The following CRACDL variants were observed in gnomAD, a reference collection of about 807,000 sequenced individuals.
The protein encoded by CRACDL is CRACD like, also known as CRACD-like protein.
A neutral mutation model predicts 70.6 loss-of-function variants in CRACDL; 26 were observed. The ratio of observed to expected loss-of-function variants is 0.37; its 90% confidence interval spans 0.27 to 0.51. The LOEUF is 0.51. CRACDL is among the 20% of genes least tolerant of loss of function. CRACDL has a pLI of 0.94. For missense variants in CRACDL, 1,283 were observed against 1,376.9 expected, an observed-to-expected ratio of 0.93 and a Z score of 1.08; for synonymous variants, 618 against 615.2, an observed-to-expected ratio of 1.00 and a Z score of -0.07.
At chr2:98,828,245 C>G (rs983624841) in intron 5 of CRACDL, among the ~76,000 whole-genome samples, 1 of 152,150 alleles carries the variant, frequency 6.6e-6, no homozygotes, top group African/African-American at 2.4e-5. Context: ...CACATGCAGC[C>G]CAGATGAGGG....
At chr2:98,798,467 AAAAAAAAG>A (rs1361437969) in intron 7 of CRACDL, among the ~76,000 whole-genome samples, 40 of 150,170 alleles carry the variant, frequency 2.7e-4, no homozygotes, top group South Asian at 4.2e-4. Flanking sequence ...AAAAAAAAAA[AAAAAAAAG>A]AGTGACACTC....
chr2:98,893,998 A>T (rs1022409868), intron 1 of CRACDL, among the ~76,000 whole-genome samples: 4 of 152,184 alleles, frequency 2.6e-5, no homozygotes, highest in African/African-American at 7.2e-5. Context: ...GGAGATTCCG[A>T]GGGGCAGCCA....
At position 98,822,489 on chromosome 2, in the gene CRACDL, C is replaced by A. The variant is rs764384247; in HGVS notation, c.1784G>T (p.Ser595Ile). The change falls in exon 7 of 10, where the codon AGC (serine) becomes ATC (isoleucine). Residue 595 changes from serine (S) to isoleucine (I), a missense_variant. This residue lies in a region of CRACDL where 921 missense variants were observed against 881.9 expected (regional missense o/e 1.04). Transcript: ENST00000397899. The surrounding 1 kb of genome is among the most constrained non-coding windows in gnomAD (Gnocchi z 4.9). ...GCTCCTCGCGAGGGGCAGGCGGCCGCTGGCCCGTTCCAGCGGGCGGGAGAC... is the reference window on the plus strand; with the variant it reads ...GCTCCTCGCGAGGGGCAGGCGGCCGATGGCCCGTTCCAGCGGGCGGGAGAC... ...PGVSRPLERA[S>I]GRLPLARSGP... 2.1e-6 allele frequency: 3 copies of A among 1,463,402 alleles called. No homozygotes were observed. The East Asian group carries it at 9.0e-5, about 44-fold the overall frequency. The allele number at this position is 1,463,402 out of a possible 1,614,324, so 90.7% of individuals were successfully genotyped here. A position where few individuals can be genotyped will look rare whatever the true frequency, so the allele number is the denominator to read the frequency against.
intron 1 of CRACDL, among the ~76,000 whole-genome samples, chr2:98,931,209 C>T (rs1321797042): frequency 2.0e-5 from 3 of 151,752 alleles, no homozygotes; most frequent in Non-Finnish European, 4.4e-5. Context: ...CCTGTAATCC[C>T]AGCTACTCAG....
At chr2:98,855,788 A>G (rs1336435116) in intron 1 of CRACDL, among the ~76,000 whole-genome samples, 1 of 152,244 alleles carries the variant, frequency 6.6e-6, no homozygotes, top group Non-Finnish European at 1.5e-5. Flanking sequence ...TAAAAGAGGT[A>G]GAAACTATAA....
chr2:98,925,226 G>C (rs187656868), intron 1 of CRACDL, among the ~76,000 whole-genome samples: 12 of 152,310 alleles, frequency 7.9e-5, no homozygotes, highest in African/African-American at 2.2e-4. Flanking sequence ...GGAATGAAGG[G>C]CCCCTCCCTT....
At chr2:98,819,074 A>G (rs554491911) in intron 7 of CRACDL, among the ~76,000 whole-genome samples, 1 of 152,336 alleles carries the variant, frequency 6.6e-6, no homozygotes, top group Non-Finnish European at 1.5e-5. Context: ...GATGGATGAG[A>G]CAATTCTCTT....
Position 98,822,531 on chromosome 2 carries a change from G to T in CRACDL, c.1742C>A (p.Ala581Glu). Residue 581 changes from alanine (A) to glutamate (E), a missense_variant, in exon 7 of 10, where the codon GCG (alanine) becomes GAG (glutamate). By Grantham distance (107) the Ala-to-Glu change is moderately radical. Around this residue, in one of 2 missense-constraint regions of CRACDL, gnomAD observed 921 missense variants for 881.9 expected, o/e 1.04. Transcript: ENST00000397899. The surrounding 1 kb of genome is among the most constrained non-coding windows in gnomAD (Gnocchi z 4.9). ...AKKFSVSSCR[A>E]RPRPGVSRPL... ...GCGGGAGACGCCCGGACGAGGCCGC[G>T]CTCGGCACGAGGACACCGAGAACTT... 2 of 1,459,634 alleles carry T rather than the reference G, an allele frequency of 1.4e-6. No homozygotes were observed. Among genetic ancestry groups the T allele is most frequent in the South Asian group, 1.3e-5 (1 of 76,396 alleles). The allele number at this position is 1,459,634 out of a possible 1,614,324, so 90.4% of individuals were successfully genotyped here.
intron 1 of CRACDL, among the ~76,000 whole-genome samples, chr2:98,890,135 G>T (rs1707923205): frequency 6.6e-6 from 1 of 151,952 alleles, no homozygotes; most frequent in South Asian, 2.1e-4. Flanking sequence ...AAGCAAACAG[G>T]AGAAAAACAA....
chr2:98,922,217 T>C (rs1424569329), intron 1 of CRACDL, among the ~76,000 whole-genome samples: 1 of 151,550 alleles, frequency 6.6e-6, no homozygotes, highest in Non-Finnish European at 1.5e-5. Context: ...AGGTGGATCA[T>C]GAGGTCAAGA....
chr2:98,828,468 G>A (rs187604762), intron 5 of CRACDL, among the ~76,000 whole-genome samples: 1 of 152,302 alleles, frequency 6.6e-6, no homozygotes, highest in Admixed American at 6.5e-5. Flanking sequence ...GTCCCCAGTG[G>A]CGAACTCCTA....
At position 98,802,806 on chromosome 2, in the gene CRACDL, G is replaced by A. The variant is rs150776961; in HGVS notation, c.2417-5269C>T. On this transcript the variant is annotated intron_variant, in intron 7 of 9. Transcript: ENST00000397899. ...CAAGCACAGTCTCCTGAGAGGCAAC[G>A]AGTTGTCGTACAATGTAAATTCCCA... Among the ~76,000 whole-genome samples, 639 of 152,312 alleles carry A rather than the reference G, an allele frequency of 4.2e-3. 5 individuals are homozygous for A. Among genetic ancestry groups the A allele is most frequent in the African/African-American group, 0.015 (606 of 41,580 alleles).
At chr2:98,913,483 G>C (rs965981095) in intron 1 of CRACDL, among the ~76,000 whole-genome samples, 5 of 152,160 alleles carry the variant, frequency 3.3e-5, no homozygotes, top group Non-Finnish European at 7.4e-5. Context: ...ACTGGAGCCT[G>C]TGGGGAGTGT....
At chr2:98,854,805 G>T (rs972489031) in intron 1 of CRACDL, among the ~76,000 whole-genome samples, 1 of 152,144 alleles carries the variant, frequency 6.6e-6, no homozygotes, top group East Asian at 1.9e-4. Flanking sequence ...ACATGTCAAG[G>T]ACAGGAGGAA....
At chr2:98,932,881 C>T (rs890305059) in intron 1 of CRACDL, among the ~76,000 whole-genome samples, 1 of 152,198 alleles carries the variant, frequency 6.6e-6, no homozygotes. Context: ...CCCTGCCCCA[C>T]AGGTAGAAAA....
Position 98,826,981 on chromosome 2 carries a change from G to A in CRACDL, c.729C>T (p.Leu243=), listed in dbSNP as rs751652197. The A allele has an allele frequency of 3.7e-6, 6 of 1,612,044 alleles. No homozygotes were observed. The South Asian group carries it at 6.6e-5, about 18-fold the overall frequency. The change falls in exon 6 of 10, where the codon CTC becomes CTT. Residue 243 remains leucine, a synonymous_variant. Coordinates refer to ENST00000397899, the MANE Select transcript of CRACDL (RefSeq NM_207362.3). ...GAGAAGGAAACCCAATTACCGATGA[G>A]AGCCGCCTCATCTTACTCGACCGCT... ...RNQRSSKMRR[L]SSRAQSESLS...
rs567315758 is a variant in CRACDL at position 98,840,560 on chromosome 2, G to C, written c.71-2273C>G. 1.6e-4 allele frequency: 25 copies of C among 151,942 alleles called. 1 individual carries two copies. The highest frequency in any genetic ancestry group is 1.2e-4 in the Non-Finnish European group (8 of 67,968). The allele number at this position is 151,942 out of a possible 1,614,324, so 9.4% of individuals were successfully genotyped here. ...TTATATCTTTACCGATTTTTAAAGC[G>C]TTTGTTTTATCAATTACTGAGAGAG... On this transcript the variant is annotated intron_variant, in intron 2 of 9. Transcript: ENST00000397899.
At chr2:98,810,811 G>T (rs1235113316) in intron 7 of CRACDL, among the ~76,000 whole-genome samples, 1 of 152,102 alleles carries the variant, frequency 6.6e-6, no homozygotes, top group African/African-American at 2.4e-5. Context: ...AATACATAGG[G>T]ATTAAAATGG....
intron 5 of CRACDL, among the ~76,000 whole-genome samples, chr2:98,829,094 G>A (rs941339074): frequency 4.6e-5 from 7 of 152,258 alleles, no homozygotes; most frequent in Admixed American, 1.3e-4. Flanking sequence ...TGCAAGTGCA[G>A]TAAGAATGAT....
Sources: allele counts gnomAD v4.1 joint callset (sites outside exome capture counted in the v4.1 genomes callset), GRCh38; gene constraint gnomAD v4.1.1; regional missense constraint gnomAD v4.1.1; non-coding constraint Gnocchi (gnomAD v3.1); transcripts MANE v1.5; gene names NCBI Gene and HGNC (gene_info 2026-07-23, HGNC 2026-07-21).